AKR1B1: variants seen among roughly 807,000 people sequenced by gnomAD.
AKR1B1 encodes the protein aldo-keto reductase family 1 member B, also known as aldo-keto reductase family 1 member B1.
AKR1B1 carries 22 observed loss-of-function variants against 40.4 expected under a neutral mutation model. That is an observed-to-expected ratio of 0.54 (90% CI 0.39 to 0.78). The LOEUF (loss-of-function observed/expected upper bound fraction) is 0.78, where lower values mean the gene tolerates loss of function less well. Ranked by LOEUF, AKR1B1 falls within the 30% of genes least tolerant of loss-of-function variation. The pLI is 0.00. For missense variants in AKR1B1, 357 were observed against 396.7 expected (o/e 0.90, Z 0.85); for synonymous variants, 157 against 149.9 (o/e 1.05, Z -0.35).
intron 9 of AKR1B1, among the ~76,000 whole-genome samples, chr7:134,444,430 G>A (rs1806035902): frequency 6.6e-6 from 1 of 152,224 alleles, no homozygotes; most frequent in Admixed American, 6.5e-5. Context: ...GAGGGAGATG[G>A]GACAGACGCT....
At chr7:134,449,380 A>T (rs980842736) in intron 4 of AKR1B1, 31 of 569,800 alleles carry the variant, frequency 5.4e-5, no homozygotes, top group Middle Eastern at 4.8e-4. Context: ...AGGTCAGGAG[A>T]TCAAGACCAT....
chr7:134,442,806 AGAG>A, intron 9 of AKR1B1, 36 bp from the exon 10 acceptor site: 1 of 1,606,952 alleles, frequency 6.2e-7, no homozygotes. Context: ...TGCTTTTTGA[AGAG>A]GTGATTTTGA....
intron 2 of AKR1B1, chr7:134,451,270 C>G: frequency 1.9e-6 from 1 of 531,522 alleles, no homozygotes; most frequent in South Asian, 2.0e-5. Flanking sequence ...GTGGCTAGCA[C>G]TGGAGATTCA....
At chr7:134,447,418 C>T in intron 7 of AKR1B1, 37 bp from the exon 8 acceptor site, 1 of 1,561,052 alleles carries the variant, frequency 6.4e-7, no homozygotes, top group East Asian at 2.2e-5. Flanking sequence ...TGTATACATG[C>T]CAGGCACTCG....
chr7:134,453,681 C>A (rs1284692779), intron 1 of AKR1B1, among the ~76,000 whole-genome samples: 1 of 152,142 alleles, frequency 6.6e-6, no homozygotes, highest in Non-Finnish European at 1.5e-5. Flanking sequence ...ACAGCAATGA[C>A]TGCAAGAGGT....
At chr7:134,443,563 A>AACAGGGCAGGGAGC (rs373216349) in intron 9 of AKR1B1, among the ~76,000 whole-genome samples, 38 of 151,718 alleles carry the variant, frequency 2.5e-4, no homozygotes, top group South Asian at 1.3e-3. Flanking sequence ...TTATATTGGA[A>AACAGGGCAGGGAGC]ACAGGGCAGG....
intron 1 of AKR1B1, among the ~76,000 whole-genome samples, chr7:134,455,590 G>A (rs1806443896): frequency 6.6e-6 from 1 of 152,066 alleles, no homozygotes; most frequent in African/African-American, 2.4e-5. Context: ...TGTTGTTGTT[G>A]TTTCTGAGAC....
chr7:134,443,306 G>A (rs1023308195), intron 9 of AKR1B1, among the ~76,000 whole-genome samples: 2 of 152,140 alleles, frequency 1.3e-5, no homozygotes, highest in African/African-American at 4.8e-5. Flanking sequence ...CCAGCTACTT[G>A]GGAGGCTGAG....
chr7:134,449,072 GA>G lies in AKR1B1; in HGVS notation c.476del (p.Ile159ThrfsTer11). ...VDEGLVKAIG[I>X]SNFNHLQVEM... The stretch of plus-strand genomic sequence containing the variant: ...CCACCTGGAGATGGTTGAAGTTGGA[GA>G]TGCCAATAGCTTTCACCAGCCCTTC... On this transcript the variant is annotated frameshift_variant, in exon 5 of 10. Coordinates refer to ENST00000285930, the MANE Select transcript of AKR1B1 (RefSeq NM_001628.4). LOFTEE classifies it high-confidence loss of function. 6.2e-7 allele frequency: 1 copy of G among 1,614,088 alleles called. No individual in the cohort carries two copies. The highest frequency in any genetic ancestry group is 2.2e-5 in the East Asian group (1 of 44,888).
chr7:134,451,517 G>C, intron 2 of AKR1B1, 69 bp downstream of exon 2: 2 of 1,573,670 alleles, frequency 1.3e-6, no homozygotes, highest in East Asian at 2.2e-5. Context: ...GTGTGGACTT[G>C]GCTTTGGGCT....
rs1806197787 is a variant in AKR1B1 at position 134,449,060 on chromosome 7, G to A, written c.489C>T (p.Asn163=). 1.2e-6 allele frequency: 2 copies of A among 1,614,016 alleles called. No homozygotes were observed. The highest frequency in any genetic ancestry group is 1.7e-6 in the Non-Finnish European group (2 of 1,179,910). ...LVKAIGISNF[N]HLQVEMILNK... ...TTAAGATCATCTCCACCTGGAGATG[G>A]TTGAAGTTGGAGATGCCAATAGCTT... Residue 163 remains asparagine (N), a synonymous_variant, in exon 5 of 10, where the codon AAC becomes AAT. Transcript: ENST00000285930.
chr7:134,457,749 C>T (rs1193262177), intron 1 of AKR1B1, among the ~76,000 whole-genome samples: 2 of 152,152 alleles, frequency 1.3e-5, no homozygotes, highest in Non-Finnish European at 2.9e-5. Flanking sequence ...TGGTTCACAC[C>T]TGTAGCTTTG....
At chr7:134,456,753 T>G (rs1656020810) in intron 1 of AKR1B1, among the ~76,000 whole-genome samples, 1 of 149,410 alleles carries the variant, frequency 6.7e-6, no homozygotes, top group South Asian at 2.1e-4. Context: ...CTGTGAGAAG[T>G]GCTAGAAATA....
At chr7:134,448,230 C>T (rs1299157672) in intron 6 of AKR1B1, among the ~76,000 whole-genome samples, 157 bp downstream of exon 6, 1 of 152,138 alleles carries the variant, frequency 6.6e-6, no homozygotes, top group African/African-American at 2.4e-5. Context: ...TGTCTTGCTA[C>T]TAGAAACTCC....
At position 134,449,812 on chromosome 7, in the gene AKR1B1, A is replaced by G. The variant is rs767998889; in HGVS notation, c.352-15T>C. 3 of 1,608,044 alleles carry G rather than the reference A, an allele frequency of 1.9e-6. No homozygotes were observed. In the Admixed American group the frequency reaches 5.0e-5, roughly 27 times the overall value. ...TCCTTCCCAGGCTGTCATTACAATA[A>G]AAAACAAACAAACAAAACAATCAGT... is the stretch of plus-strand genomic sequence containing the variant. On this transcript the variant is annotated splice_polypyrimidine_tract_variant and intron_variant, in intron 3 of 9. Transcript: ENST00000285930.
In AKR1B1 at chr7:134,448,024, T is replaced by C; in HGVS notation, c.697A>G (p.Arg233Gly). 1 of 1,613,418 alleles carries C rather than the reference T, an allele frequency of 6.2e-7. No individual in the cohort carries two copies. Among genetic ancestry groups the C allele is most frequent in the Non-Finnish European group, 8.5e-7 (1 of 1,179,856 alleles). ...TGCTTGGCTGCGATCGCCTTGATCC[T>C]GGGATCCTCCAGGAGAGAAGGGTCC... Reference protein sequence around the residue: ...PEDPSLLEDPRIKAIAAKHNK... With the variant: ...PEDPSLLEDPGIKAIAAKHNK... Residue 233 changes from arginine to glycine, a missense_variant, in exon 7 of 10, where the codon AGG becomes GGG. By Grantham distance (125) the Arg-to-Gly change is moderately radical (BLOSUM62 -2). Coordinates refer to ENST00000285930, the MANE Select transcript of AKR1B1 (RefSeq NM_001628.4).
Position 134,452,958 on chromosome 7 carries a change from C to A in AKR1B1, c.67-1205G>T, listed in dbSNP as rs1019798888. Among the ~76,000 whole-genome samples the A allele has an allele frequency of 2.6e-5, 4 of 152,248 alleles. No homozygotes were observed. In the Middle Eastern group the frequency reaches 0.01, roughly 388 times the overall value. On this transcript the variant is annotated intron_variant, in intron 1 of 9. Coordinates refer to ENST00000285930, the MANE Select transcript of AKR1B1 (RefSeq NM_001628.4). ...AGGGGACGACCCTCAGAGGACCTGG[C>A]GACCTCTTATTTGACTGGAGGACCT...
At chr7:134,449,598 A>AG (rs1806224998) in intron 4 of AKR1B1, 122 bp downstream of exon 4, 4 of 859,310 alleles carry the variant, frequency 4.7e-6, no homozygotes, top group Admixed American at 2.0e-5. Context: ...AAAAAAAAAA[A>AG]AGAGAGAGCA....
rs1402962430 is a variant in AKR1B1, at chr7:134,448,998, T to G, written c.551A>C (p.Gln184Pro). 1 of 1,613,992 alleles carries G rather than the reference T, an allele frequency of 6.2e-7. No individual in the cohort carries two copies. Among genetic ancestry groups the G allele is most frequent in the Non-Finnish European group, 8.5e-7 (1 of 1,180,014 alleles). ...CCAGTGTCGTTGGGGGATGTTTACC[T>G]GGTTAACTGCAGGCTTATACTTCAA... ...PGLKYKPAVNQIECHPYLTQE... is the reference protein window; with the variant it reads ...PGLKYKPAVNPIECHPYLTQE... The change falls in exon 5 of 10, where the codon CAG becomes CCG. Residue 184 changes from glutamine to proline, a missense_variant and splice_region_variant. Coordinates refer to ENST00000285930, the MANE Select transcript of AKR1B1 (RefSeq NM_001628.4).
Sources: allele counts gnomAD v4.1 joint callset (sites outside exome capture counted in the v4.1 genomes callset), GRCh38; gene constraint gnomAD v4.1.1; transcripts MANE v1.5; gene names NCBI Gene and HGNC (gene_info 2026-07-23, HGNC 2026-07-21).